The following CSMD1 variants were observed in gnomAD, a reference collection of about 807,000 sequenced individuals.
CSMD1 encodes the protein CUB and sushi domain-containing protein 1.
In CSMD1, 213 loss-of-function variants were observed where a neutral mutation model predicts 417.5. That is an observed-to-expected ratio of 0.51 (90% CI 0.46 to 0.57). CSMD1 has a LOEUF of 0.57. Ranked by LOEUF, CSMD1 falls within the 20% of genes least tolerant of loss-of-function variation. The probability of loss-of-function intolerance (pLI) is 0.00; values close to 1 mark genes in which losing one functional copy is unlikely to be tolerated. For synonymous variants in CSMD1, 2,862 were observed against 1,736.8 expected (o/e 1.65, Z -16.11); for missense variants, 6,923 against 4,529.7 (o/e 1.53, Z -15.17).
intron 1 of CSMD1, among the ~76,000 whole-genome samples, chr8:4,794,156 C>T (rs184596215): frequency 6.0e-4 from 91 of 152,218 alleles, no homozygotes; most frequent in African/African-American, 2.1e-3. Context: ...CAGTCAAACT[C>T]AATATTGTTC....
intron 6 of CSMD1, among the ~76,000 whole-genome samples, chr8:3,742,648 A>C (rs1796870209): frequency 6.6e-6 from 1 of 152,088 alleles, no homozygotes; most frequent in African/African-American, 2.4e-5. Flanking sequence ...GTCCTGAAGG[A>C]CGTCTCTCCC....
intron 26 of CSMD1, among the ~76,000 whole-genome samples, chr8:3,273,468 C>T (rs906935281): frequency 5.5e-5 from 8 of 144,228 alleles, no homozygotes; most frequent in African/African-American, 2.0e-4. Flanking sequence ...GGGAGGATTC[C>T]CTCTTTTTCT....
At chr8:4,158,867 G>C (rs547505326) in intron 3 of CSMD1, among the ~76,000 whole-genome samples, 2 of 152,248 alleles carry the variant, frequency 1.3e-5, no homozygotes, top group Admixed American at 6.5e-5. Context: ...GAAATCTCAA[G>C]TCCTCAGTTT....
At chr8:3,210,883 G>C (rs1016678463) in intron 30 of CSMD1, among the ~76,000 whole-genome samples, 4 of 151,814 alleles carry the variant, frequency 2.6e-5, no homozygotes, top group Non-Finnish European at 4.4e-5. Context: ...CAAAAGTACA[G>C]AATTCATGAC....
intron 25 of CSMD1, among the ~76,000 whole-genome samples, chr8:3,303,821 A>G (rs1030633771): frequency 5.3e-5 from 8 of 152,190 alleles, no homozygotes; most frequent in Non-Finnish European, 7.3e-5. Context: ...ATTTTCTACA[A>G]TGTCTTGTGA....
chr8:3,231,331 A>G (rs1329809600), intron 26 of CSMD1, among the ~76,000 whole-genome samples: 3 of 152,170 alleles, frequency 2.0e-5, no homozygotes, highest in African/African-American at 7.2e-5. Flanking sequence ...TTCTCTGCAA[A>G]GTACTTCACT....
chr8:4,915,217 TAACA>T (rs1184533832), intron 1 of CSMD1, among the ~76,000 whole-genome samples: 1 of 150,412 alleles, frequency 6.6e-6, no homozygotes, highest in Non-Finnish European at 1.5e-5. Context: ...TATTTATACA[TAACA>T]TATATATAAA....
intron 1 of CSMD1, among the ~76,000 whole-genome samples, chr8:4,751,497 A>C (rs920296903): frequency 6.6e-6 from 1 of 152,152 alleles, no homozygotes; most frequent in African/African-American, 2.4e-5. Context: ...GATTTTGTGG[A>C]ATCATGAGCT....
chr8:4,447,898 A>AT (rs1281176227), intron 2 of CSMD1, among the ~76,000 whole-genome samples: 1 of 152,178 alleles, frequency 6.6e-6, no homozygotes, highest in African/African-American at 2.4e-5. Flanking sequence ...TTATTGTTCG[A>AT]TTACTCATCT....
At chr8:2,950,105 C>G in intron 67 of CSMD1, 126 bp downstream of exon 67, 1 of 637,852 alleles carries the variant, frequency 1.6e-6, no homozygotes, top group Non-Finnish European at 2.8e-6. Context: ...AGAGGGGCAG[C>G]TGAGTTTTCA....
intron 5 of CSMD1, among the ~76,000 whole-genome samples, chr8:3,994,765 A>G (rs1585098575): frequency 6.6e-6 from 1 of 152,344 alleles, no homozygotes; most frequent in South Asian, 2.1e-4. Flanking sequence ...TGCCATGGCA[A>G]CCCTGACTTA....
chr8:3,289,518 C>G (rs555736896), intron 25 of CSMD1, among the ~76,000 whole-genome samples: 1 of 144,072 alleles, frequency 6.9e-6, no homozygotes, highest in East Asian at 2.0e-4. Flanking sequence ...GATCGCCATT[C>G]TAACTGGTGT....
intron 3 of CSMD1, among the ~76,000 whole-genome samples, chr8:4,149,184 G>C (rs554899719): frequency 6.6e-6 from 1 of 151,918 alleles, no homozygotes; most frequent in South Asian, 2.1e-4. Context: ...GGCTGGTCTC[G>C]AACTCCTGAC....
intron 1 of CSMD1, among the ~76,000 whole-genome samples, chr8:4,952,392 C>A (rs1040818259): frequency 5.1e-4 from 77 of 152,148 alleles, no homozygotes; most frequent in African/African-American, 1.7e-3. Flanking sequence ...CACAGTTTCA[C>A]ACTTAAAAAT....
intron 6 of CSMD1, among the ~76,000 whole-genome samples, chr8:3,726,780 C>T (rs1011762759): frequency 6.6e-6 from 1 of 152,094 alleles, no homozygotes; most frequent in Admixed American, 6.6e-5. Context: ...CTTAGCATGC[C>T]CTCTGATGGA....
At chr8:4,040,485 G>T (rs955664084) in intron 3 of CSMD1, among the ~76,000 whole-genome samples, 1 of 152,166 alleles carries the variant, frequency 6.6e-6, no homozygotes, top group Non-Finnish European at 1.5e-5. Flanking sequence ...CTACTTGCAA[G>T]CATGACAAAA....
At chr8:4,422,868 C>G (rs1797328031) in intron 2 of CSMD1, among the ~76,000 whole-genome samples, 1 of 152,050 alleles carries the variant, frequency 6.6e-6, no homozygotes, top group East Asian at 1.9e-4. Context: ...TTAGAAAGGT[C>G]CAATCTTTGA....
intron 7 of CSMD1, among the ~76,000 whole-genome samples, chr8:3,682,931 CT>C (rs1799741829): frequency 6.6e-6 from 1 of 152,088 alleles, no homozygotes; most frequent in African/African-American, 2.4e-5. Context: ...TCTCAGCAAA[CT>C]ATCTATCGCA....
At chr8:3,659,129 C>A (rs577154732) in intron 7 of CSMD1, among the ~76,000 whole-genome samples, 2 of 152,082 alleles carry the variant, frequency 1.3e-5, no homozygotes, top group Non-Finnish European at 2.9e-5. Context: ...GCACATAAAT[C>A]CTTAAAATAA....
Sources: gnomAD v4.1 joint callset for allele counts (sites outside exome capture counted in the v4.1 genomes callset) on GRCh38, gnomAD v4.1.1 for gene constraint, MANE v1.5 for transcripts, NCBI Gene and HGNC (gene_info 2026-07-23, HGNC 2026-07-21) for gene names.